Variants in CNTNAP2 observed in about 807,000 individuals in gnomAD.
The protein encoded by CNTNAP2 is contactin associated protein 2.
CNTNAP2 carries 98 observed loss-of-function variants against 155.2 expected under a neutral mutation model. The ratio of observed to expected loss-of-function variants is 0.63; its 90% CI spans 0.54 to 0.75. The LOEUF is 0.75. CNTNAP2 is among the 30% of genes least tolerant of loss of function. The probability of loss-of-function intolerance (pLI) is 0.00; values close to 1 mark genes in which losing one functional copy is unlikely to be tolerated. For missense variants in CNTNAP2, 1,727 were observed against 1,688.1 expected, an observed-to-expected ratio of 1.02 and a Z score of -0.40; for synonymous variants, 651 against 631.2, an observed-to-expected ratio of 1.03 and a Z score of -0.47.
intron 12 of CNTNAP2, among the ~76,000 whole-genome samples, chr7:147,563,510 T>C (rs1294450015): frequency 6.6e-6 from 1 of 151,938 alleles, no homozygotes; most frequent in East Asian, 1.9e-4. Flanking sequence ...ACACATGTAG[T>C]CCCAGCTACT....
intron 1 of CNTNAP2, among the ~76,000 whole-genome samples, chr7:146,283,169 C>A (rs802506): frequency 0.11 from 16,560 of 152,146 alleles, 2,029 homozygotes; most frequent in African/African-American, 0.3. Context: ...AAATACATAC[C>A]ACCTAAGTGA....
intron 1 of CNTNAP2, among the ~76,000 whole-genome samples, chr7:146,417,217 T>C (rs1795949768): frequency 6.6e-6 from 1 of 152,124 alleles, no homozygotes; most frequent in Non-Finnish European, 1.5e-5. Context: ...TATAAAGAGC[T>C]CTGTACTGTC....
intron 21 of CNTNAP2, among the ~76,000 whole-genome samples, chr7:148,284,760 C>T (rs1376356905): frequency 2.6e-5 from 4 of 152,044 alleles, no homozygotes; most frequent in African/African-American, 7.2e-5. Flanking sequence ...ATCTTGCTAA[C>T]GACCTGGAAT....
At chr7:146,814,499 G>C (rs945885445) in intron 2 of CNTNAP2, among the ~76,000 whole-genome samples, 3 of 151,952 alleles carry the variant, frequency 2.0e-5, no homozygotes, top group Non-Finnish European at 4.4e-5. Flanking sequence ...CTAAATAAGA[G>C]AATAGATAAA....
intron 12 of CNTNAP2, among the ~76,000 whole-genome samples, chr7:147,619,989 C>T (rs1563024840): frequency 6.6e-6 from 1 of 152,182 alleles, no homozygotes; most frequent in African/African-American, 2.4e-5. Flanking sequence ...CAGAGAGAGA[C>T]ACTCTATTTG....
At chr7:146,720,926 CTATA>C (rs1295853411) in intron 1 of CNTNAP2, among the ~76,000 whole-genome samples, 1 of 138,144 alleles carries the variant, frequency 7.2e-6, no homozygotes, top group African/African-American at 2.7e-5. Context: ...TCTATATATT[CTATA>C]TATATACTTT....
At chr7:146,366,876 A>G (rs1366509453) in intron 1 of CNTNAP2, among the ~76,000 whole-genome samples, 3 of 152,172 alleles carry the variant, frequency 2.0e-5, no homozygotes, top group Admixed American at 6.5e-5. Context: ...CATAAATTTC[A>G]TAGATAATCC....
intron 3 of CNTNAP2, among the ~76,000 whole-genome samples, chr7:146,897,203 A>G (rs1489013399): frequency 6.6e-6 from 1 of 152,048 alleles, no homozygotes; most frequent in Non-Finnish European, 1.5e-5. Context: ...CTGAGATACT[A>G]CTCAGTGTCT....
At chr7:146,811,200 AG>A (rs1803060108) in intron 2 of CNTNAP2, among the ~76,000 whole-genome samples, 1 of 152,174 alleles carries the variant, frequency 6.6e-6, no homozygotes, top group African/African-American at 2.4e-5. Flanking sequence ...GATTTTGAGA[AG>A]AATTGGTGTT....
In CNTNAP2 at chr7:147,194,954, G is replaced by A. The variant is rs879178566; in HGVS notation, c.1348+62445G>A. ...ATCCCATTTGTCAATTTTGGCTTTT[G>A]TTGTAATTGCTTTTGGCATTTTTGT... is the stretch of plus-strand genomic sequence containing the variant. On this transcript the variant is annotated intron_variant, in intron 8 of 23. Coordinates refer to ENST00000361727, the MANE Select transcript of CNTNAP2 (RefSeq NM_014141.6). Among the ~76,000 whole-genome samples, 6 of 152,308 alleles carry A rather than the reference G, an allele frequency of 3.9e-5. No homozygotes were observed. The East Asian group carries it at 7.7e-4, about 20-fold the overall frequency.
At chr7:146,853,269 G>A (rs1794916105) in intron 3 of CNTNAP2, among the ~76,000 whole-genome samples, 2 of 152,124 alleles carry the variant, frequency 1.3e-5, no homozygotes, top group Admixed American at 1.3e-4. Flanking sequence ...TTTACTTAAT[G>A]TAAGCAGGAA....
At chr7:146,981,423 G>T (rs976394126) in intron 3 of CNTNAP2, among the ~76,000 whole-genome samples, 1 of 152,126 alleles carries the variant, frequency 6.6e-6, no homozygotes, top group Non-Finnish European at 1.5e-5. Context: ...GCCATTTTCA[G>T]AATAAACTTG....
intron 21 of CNTNAP2, among the ~76,000 whole-genome samples, chr7:148,323,202 G>A (rs563331016): frequency 1.8e-4 from 27 of 150,842 alleles, no homozygotes; most frequent in Non-Finnish European, 3.7e-4. Flanking sequence ...GCTAGCAAGT[G>A]ACAGTCATAA....
chr7:147,636,607 C>G (rs994996315), intron 12 of CNTNAP2, among the ~76,000 whole-genome samples: 105 of 152,166 alleles, frequency 6.9e-4, no homozygotes, highest in African/African-American at 2.3e-3. Flanking sequence ...CCTGCACCCC[C>G]CAACAAGCCC....
chr7:146,152,958 C>A (rs1201661135), intron 1 of CNTNAP2, among the ~76,000 whole-genome samples: 1 of 152,070 alleles, frequency 6.6e-6, no homozygotes, highest in Non-Finnish European at 1.5e-5. Flanking sequence ...CAACTTTACA[C>A]AACAAATTTG....
chr7:147,661,212 T>G (rs2116953085), intron 13 of CNTNAP2, among the ~76,000 whole-genome samples: 1 of 152,322 alleles, frequency 6.6e-6, no homozygotes, highest in Non-Finnish European at 1.5e-5. Context: ...AATCCAAATA[T>G]TTCCATCGAA....
chr7:146,143,925 G>A (rs1017049270), intron 1 of CNTNAP2, among the ~76,000 whole-genome samples: 1 of 151,900 alleles, frequency 6.6e-6, no homozygotes, highest in Non-Finnish European at 1.5e-5. Flanking sequence ...ACCATCCCAG[G>A]CTAATTTTTG....
At chr7:146,543,601 C>T (rs1244331358) in intron 1 of CNTNAP2, among the ~76,000 whole-genome samples, 1 of 151,918 alleles carries the variant, frequency 6.6e-6, no homozygotes, top group Non-Finnish European at 1.5e-5. Context: ...ATACATTTCA[C>T]TGTAATACCC....
chr7:147,126,687 G>C (rs1453713606), intron 6 of CNTNAP2, among the ~76,000 whole-genome samples: 2 of 152,112 alleles, frequency 1.3e-5, no homozygotes, highest in Admixed American at 1.3e-4. Context: ...TGATCAGGCT[G>C]GTCTCGAACT....
Sources: allele counts gnomAD v4.1 joint callset (sites outside exome capture counted in the v4.1 genomes callset), GRCh38; gene constraint gnomAD v4.1.1; transcripts MANE v1.5; gene names NCBI Gene and HGNC (gene_info 2026-07-23, HGNC 2026-07-21).